Variants in IPCEF1 observed in about 807,000 individuals in gnomAD.
The protein encoded by IPCEF1 is interaction protein for cytohesin exchange factors 1.
Under a neutral mutation model 50.9 loss-of-function variants are expected in IPCEF1, and 31 were observed. The observed-to-expected ratio is 0.61, with a 90% confidence interval of 0.46 to 0.82. The LOEUF (loss-of-function observed/expected upper bound fraction) is 0.82, where lower values mean the gene tolerates loss of function less well. Ranked by LOEUF, IPCEF1 falls within the 40% of genes least tolerant of loss-of-function variation. IPCEF1 has a pLI of 0.00. For synonymous variants in IPCEF1, 181 were observed against 192.0 expected (o/e 0.94, Z 0.47); for missense variants, 458 against 514.0 (o/e 0.89, Z 1.05).
intron 10 of IPCEF1, among the ~76,000 whole-genome samples, chr6:154,175,013 G>A (rs917024468): frequency 2.6e-5 from 4 of 152,194 alleles, no homozygotes; most frequent in African/African-American, 7.2e-5. Flanking sequence ...TCAGGATTAA[G>A]AAACTCACTC....
chr6:154,229,044 C>A (rs1027861072), intron 5 of IPCEF1, among the ~76,000 whole-genome samples: 1 of 152,210 alleles, frequency 6.6e-6, no homozygotes, highest in Non-Finnish European at 1.5e-5. Flanking sequence ...AACTTTTTCC[C>A]TATTCCCTTA....
intron 1 of IPCEF1, among the ~76,000 whole-genome samples, chr6:154,314,678 A>G (rs1783168655): frequency 6.6e-6 from 1 of 152,206 alleles, no homozygotes; most frequent in Non-Finnish European, 1.5e-5. Context: ...AATTGATCTC[A>G]AGTTTTCACA....
intron 3 of IPCEF1, among the ~76,000 whole-genome samples, chr6:154,260,230 T>A (rs148599822): frequency 4.0e-4 from 61 of 152,306 alleles, no homozygotes; most frequent in African/African-American, 1.5e-3. Context: ...GTAGCAGACA[T>A]AAACATGCAT....
chr6:154,193,921 A>G (rs1036492724), intron 10 of IPCEF1, among the ~76,000 whole-genome samples: 1 of 152,042 alleles, frequency 6.6e-6, no homozygotes, highest in African/African-American at 2.4e-5. Context: ...TTCTAGTAGC[A>G]TAGTATTAAA....
rs190536063 is a variant in IPCEF1, at chr6:154,287,007, A to T, written c.-18+2706T>A. Among the ~76,000 whole-genome samples, 7 of 152,272 alleles carry T rather than the reference A, an allele frequency of 4.6e-5. No individual in the cohort carries two copies. In the East Asian group the frequency reaches 1.2e-3, roughly 25 times the overall value. On this transcript the variant is annotated intron_variant, in intron 2 of 11. Coordinates refer to ENST00000367220, the MANE Select transcript of IPCEF1 (RefSeq NM_001130700.2). ...CATGACAGTGAGTGAGTTCTCAAGA[A>T]ATCTGGTTGTTTAAAAGTGTATAAC...
At chr6:154,228,690 T>C (rs1287831041) in intron 5 of IPCEF1, among the ~76,000 whole-genome samples, 1 of 152,200 alleles carries the variant, frequency 6.6e-6, no homozygotes, top group Non-Finnish European at 1.5e-5. Context: ...ATCTCTTTGA[T>C]CTCATGAATC....
At chr6:154,328,510 C>T (rs991455447) in intron 1 of IPCEF1, among the ~76,000 whole-genome samples, 2 of 151,768 alleles carry the variant, frequency 1.3e-5, no homozygotes, top group African/African-American at 4.8e-5. Context: ...GAGGCTAAGA[C>T]AGGCAGATGA....
chr6:154,310,731 A>G (rs1296084283), intron 1 of IPCEF1, among the ~76,000 whole-genome samples: 1 of 152,220 alleles, frequency 6.6e-6, no homozygotes, highest in African/African-American at 2.4e-5. Context: ...ACATTATGCT[A>G]CATGAAAGAA....
At chr6:154,181,258 G>C (rs528365297) in intron 10 of IPCEF1, among the ~76,000 whole-genome samples, 2 of 152,286 alleles carry the variant, frequency 1.3e-5, no homozygotes, top group South Asian at 2.1e-4. Context: ...TATAATTTGA[G>C]AGAGAAATCT....
At position 154,212,808 on chromosome 6, in the gene IPCEF1, T is replaced by C. The variant is rs748543134; in HGVS notation, c.499A>G (p.Thr167Ala). ...TGGGAAGCGTGAGGAGGGGGTGGTG[T>C]CTCCGCAGCTATTTCTGGATCTTCC... ...EQEDPEIAAE[T>A]PPPPHASQTQ... The change falls in exon 9 of 12, where the codon ACA becomes GCA. Residue 167 changes from threonine (T) to alanine (A), a missense_variant. Coordinates refer to ENST00000367220, the MANE Select transcript of IPCEF1 (RefSeq NM_001130700.2). 3 of 1,613,836 alleles carry C rather than the reference T, an allele frequency of 1.9e-6. No homozygotes were observed. Among genetic ancestry groups the C allele is most frequent in the East Asian group, 2.2e-5 (1 of 44,886 alleles).
intron 1 of IPCEF1, among the ~76,000 whole-genome samples, chr6:154,290,743 T>C (rs1469711931): frequency 1.3e-5 from 2 of 152,224 alleles, no homozygotes; most frequent in Non-Finnish European, 2.9e-5. Context: ...TTTAATTTTT[T>C]CTAAAGAGGA....
intron 3 of IPCEF1, among the ~76,000 whole-genome samples, chr6:154,263,238 T>TTTC (rs386409020): frequency 1.3e-5 from 2 of 151,400 alleles, no homozygotes; most frequent in Admixed American, 1.3e-4. Context: ...GTCTTTTTTT[T>TTTC]TTAAATTTAT....
At chr6:154,221,915 A>G (rs1778897800) in intron 6 of IPCEF1, among the ~76,000 whole-genome samples, 2 of 152,162 alleles carry the variant, frequency 1.3e-5, no homozygotes, top group South Asian at 4.1e-4. Flanking sequence ...ATATAGGTAT[A>G]TCCTCTTCCT....
chr6:154,338,224 G>A (rs1783830056), intron 1 of IPCEF1, among the ~76,000 whole-genome samples: 2 of 152,228 alleles, frequency 1.3e-5, no homozygotes, highest in African/African-American at 4.8e-5. Context: ...GGTGGGTTGG[G>A]AGAACCTTAT....
chr6:154,271,479 A>G (rs1235964594), intron 2 of IPCEF1, among the ~76,000 whole-genome samples: 1 of 152,196 alleles, frequency 6.6e-6, no homozygotes, highest in Non-Finnish European at 1.5e-5. Context: ...TTTAAAAAAA[A>G]TTACAGGACA....
rs752184660 is a variant in IPCEF1 at position 154,168,092 on chromosome 6, T to A, written c.932A>T (p.Asp311Val). ...TTTGTACAGCTTCTCCATTTCATCA[T>A]CTTCAGACACTTTTGTCTCTTCTAT... Reference protein sequence around the residue: ...MDKEETKVSEDDEMEKLYKSL... With the variant: ...MDKEETKVSEVDEMEKLYKSL... Residue 311 changes from aspartate (D) to valine (V), a missense_variant, in exon 11 of 12, where the codon GAT (aspartate) becomes GTT (valine). Asp to Val is a radical substitution (Grantham distance 152). Coordinates refer to ENST00000367220, the MANE Select transcript of IPCEF1 (RefSeq NM_001130700.2). The surrounding 1 kb of genome is among the most constrained non-coding windows in gnomAD (Gnocchi z 4.1). 9.0e-6 allele frequency: 14 copies of A among 1,556,462 alleles called. No homozygotes were observed. The East Asian group carries it at 2.5e-4, about 28-fold the overall frequency.
chr6:154,262,869 C>T (rs1367056875), intron 3 of IPCEF1, among the ~76,000 whole-genome samples: 2 of 146,868 alleles, frequency 1.4e-5, no homozygotes, highest in African/African-American at 2.5e-5. Context: ...CTCCACCTCC[C>T]GGGTTCAAGC....
At chr6:154,229,548 G>A (rs1048898783) in intron 5 of IPCEF1, among the ~76,000 whole-genome samples, 1 of 151,586 alleles carries the variant, frequency 6.6e-6, no homozygotes, top group African/African-American at 2.4e-5. Context: ...TAGTAGAGAT[G>A]GGGTTCGCCG....
intron 10 of IPCEF1, among the ~76,000 whole-genome samples, chr6:154,185,301 A>T (rs1801241473): frequency 6.6e-6 from 1 of 152,184 alleles, no homozygotes; most frequent in Non-Finnish European, 1.5e-5. Context: ...CTAAGTGTTC[A>T]AACTGCCAAG....
Sources: allele counts gnomAD v4.1 joint callset (sites outside exome capture counted in the v4.1 genomes callset), GRCh38; gene constraint gnomAD v4.1.1; non-coding constraint Gnocchi (gnomAD v3.1); transcripts MANE v1.5; gene names NCBI Gene and HGNC (gene_info 2026-07-23, HGNC 2026-07-21).